The following MICU1 variants were observed in gnomAD, a reference collection of about 807,000 sequenced individuals.
The protein encoded by MICU1 is calcium uptake protein 1, mitochondrial.
MICU1 carries 45 observed loss-of-function variants against 56.8 expected under a neutral mutation model. That is an observed-to-expected ratio of 0.79 (90% CI 0.62 to 1.02). The LOEUF (loss-of-function observed/expected upper bound fraction) is 1.02, where lower values mean the gene tolerates loss of function less well. Ranked by LOEUF, MICU1 falls within the 50% of genes least tolerant of loss-of-function variation. MICU1 has a pLI of 0.00. For synonymous variants in MICU1, 186 were observed against 195.1 expected, an observed-to-expected ratio of 0.95 and a Z score of 0.39; for missense variants, 504 against 587.1, an observed-to-expected ratio of 0.86 and a Z score of 1.46.
At chr10:72,600,771 G>T in intron 1 of MICU1, among the ~76,000 whole-genome samples, 1 of 152,006 alleles carries the variant, frequency 6.6e-6, no homozygotes, top group Admixed American at 6.6e-5. Context: ...CATTAAATTT[G>T]TGAGTAGAAG....
chr10:72,565,837 A>C (rs145428527), intron 2 of MICU1, among the ~76,000 whole-genome samples: 1 of 152,094 alleles, frequency 6.6e-6, no homozygotes, highest in East Asian at 1.9e-4. Context: ...AACAAAAATA[A>C]AAAACAGAGA....
At chr10:72,585,923 T>C (rs1008131607) in intron 1 of MICU1, among the ~76,000 whole-genome samples, 2 of 151,870 alleles carry the variant, frequency 1.3e-5, no homozygotes, top group African/African-American at 4.8e-5. Flanking sequence ...CTTAATACAA[T>C]GTAAATACTA....
chr10:72,388,845 A>C (rs1862976446), intron 10 of MICU1, among the ~76,000 whole-genome samples: 1 of 152,230 alleles, frequency 6.6e-6, no homozygotes, highest in Admixed American at 6.5e-5. Context: ...CAACACGACG[A>C]TGTGGAAAGA....
At chr10:72,438,398 A>G (rs566020712) in intron 8 of MICU1, among the ~76,000 whole-genome samples, 1 of 152,352 alleles carries the variant, frequency 6.6e-6, no homozygotes. Context: ...CATTTAAAGC[A>G]GCGTGTAGAG....
chr10:72,603,158 C>A (rs890018128), intron 1 of MICU1, among the ~76,000 whole-genome samples: 1 of 151,806 alleles, frequency 6.6e-6, no homozygotes, highest in Non-Finnish European at 1.5e-5. Flanking sequence ...AAGGCCAAGG[C>A]GGGTGATCAC....
chr10:72,547,180 A>C (rs919500912), intron 4 of MICU1, among the ~76,000 whole-genome samples: 3 of 152,046 alleles, frequency 2.0e-5, no homozygotes, highest in Non-Finnish European at 4.4e-5. Flanking sequence ...GGTGTGAGCC[A>C]CCACGCCCGG....
intron 5 of MICU1, among the ~76,000 whole-genome samples, chr10:72,526,953 G>T: frequency 7.6e-6 from 1 of 131,890 alleles, no homozygotes; most frequent in African/African-American, 3.4e-5. Context: ...AAAAAAAAAA[G>T]AAAGCACTTC....
Position 72,387,879 on chromosome 10 carries a change from C to T in MICU1, c.1181-12007G>A, listed in dbSNP as rs989624425. 5.3e-5 allele frequency among the ~76,000 whole-genome samples: 8 copies of T among 151,774 alleles called. No individual in the cohort carries two copies. The East Asian group carries it at 1.5e-3, about 29-fold the overall frequency. On this transcript the variant is annotated intron_variant, in intron 10 of 11. Transcript: ENST00000361114. ...AATAAGATAAACAGGCAGAAGAAAG[C>T]CAGCACCTATGGGTTGAAAACCAGA...
intron 8 of MICU1, among the ~76,000 whole-genome samples, chr10:72,444,666 T>C (rs964203518): frequency 6.6e-6 from 1 of 152,132 alleles, no homozygotes; most frequent in African/African-American, 2.4e-5. Flanking sequence ...GCCAGGCTGG[T>C]CTTGAACTCC....
chr10:72,510,738 G>C (rs979659188), intron 5 of MICU1, among the ~76,000 whole-genome samples: 4 of 151,830 alleles, frequency 2.6e-5, no homozygotes, highest in Admixed American at 2.6e-4. Flanking sequence ...CTGCCTCCCG[G>C]GTTCAAGCCT....
intron 1 of MICU1, among the ~76,000 whole-genome samples, chr10:72,614,967 T>C (rs1841941546): frequency 1.3e-5 from 2 of 152,248 alleles, no homozygotes; most frequent in South Asian, 4.1e-4. Context: ...CTTTTAAGCA[T>C]ACAATTCAGT....
At chr10:72,407,842 C>G (rs1863678121) in intron 10 of MICU1, 87 bp downstream of exon 10, 1 of 798,878 alleles carries the variant, frequency 1.3e-6, no homozygotes, top group Non-Finnish European at 2.0e-6. Flanking sequence ...AAAAACTTAT[C>G]TTTTACTGTT....
At chr10:72,526,884 C>A in intron 5 of MICU1, among the ~76,000 whole-genome samples, 1 of 141,246 alleles carries the variant, frequency 7.1e-6, no homozygotes, top group African/African-American at 2.8e-5. Flanking sequence ...AGCAAAGATC[C>A]AAGTTTTCAA....
chr10:72,561,327 G>A (rs1840289508), intron 3 of MICU1, among the ~76,000 whole-genome samples: 1 of 152,220 alleles, frequency 6.6e-6, no homozygotes, highest in South Asian at 2.1e-4. Flanking sequence ...TGGAAAGTGT[G>A]ACTGGCCTGT....
chr10:72,421,823 C>G lies in MICU1; in HGVS notation c.1071+1411G>C, dbSNP rs1273887222. Among the ~76,000 whole-genome samples, 4 of 152,224 alleles carry G rather than the reference C, an allele frequency of 2.6e-5. No homozygotes were observed. In the East Asian group the frequency reaches 7.7e-4, roughly 29 times the overall value. ...TACATACAACCATGTCATTTCACTA[C>G]TCACAACTATTTAATGGCGTTCCAT... On this transcript the variant is annotated intron_variant, in intron 9 of 11. Transcript: ENST00000361114.
At chr10:72,564,023 TA>T (rs1445350672) in intron 2 of MICU1, among the ~76,000 whole-genome samples, 4 of 152,168 alleles carry the variant, frequency 2.6e-5, no homozygotes, top group African/African-American at 9.6e-5. Context: ...TAAAAAATAA[TA>T]TAAGTATTTC....
At position 72,433,682 on chromosome 10, in the gene MICU1, A is replaced by T. The variant is rs532804480; in HGVS notation, c.934-10311T>A. Among the ~76,000 whole-genome samples the T allele has an allele frequency of 4.4e-4, 67 of 152,070 alleles. No homozygotes were observed. The South Asian group carries it at 4.8e-3, about 11-fold the overall frequency. On this transcript the variant is annotated intron_variant, in intron 8 of 11. Transcript: ENST00000361114. ...TGACATCAGGTGATCCACCCGCTTC[A>T]GCCTCCCAAAGTGCTGGGATTACAG...
chr10:72,428,934 C>A (rs758233853), intron 8 of MICU1, among the ~76,000 whole-genome samples: 9 of 152,132 alleles, frequency 5.9e-5, no homozygotes, highest in Non-Finnish European at 1.0e-4. Flanking sequence ...ATCAGGAAGG[C>A]CTGGATCCAA....
chr10:72,523,637 T>C (rs1867887345), intron 5 of MICU1, among the ~76,000 whole-genome samples: 1 of 152,188 alleles, frequency 6.6e-6, no homozygotes, highest in South Asian at 2.1e-4. Context: ...AAGATGTTTA[T>C]AATTCAGCTT....
Sources: gnomAD v4.1 joint callset for allele counts (sites outside exome capture counted in the v4.1 genomes callset) on GRCh38, gnomAD v4.1.1 for gene constraint, MANE v1.5 for transcripts, NCBI Gene and HGNC (gene_info 2026-07-23, HGNC 2026-07-21) for gene names.